The following COL23A1 variants were observed in gnomAD, a reference collection of about 807,000 sequenced individuals.
The protein encoded by COL23A1 is collagen type XXIII alpha 1 chain.
In COL23A1, 97 loss-of-function variants were observed where a neutral mutation model predicts 99.3. The ratio of observed to expected loss-of-function variants is 0.98; its 90% confidence interval spans 0.83 to 1.16. COL23A1 has a LOEUF of 1.16. Ranked by LOEUF, COL23A1 falls within the 50% of genes most tolerant of loss-of-function variation. The probability of loss-of-function intolerance (pLI) is 0.00; values close to 1 mark genes in which losing one functional copy is unlikely to be tolerated. For synonymous variants in COL23A1, 320 were observed against 308.2 expected (o/e 1.04, Z -0.40); for missense variants, 762 against 757.4 (o/e 1.01, Z -0.07).
intron 2 of COL23A1, among the ~76,000 whole-genome samples, chr5:178,311,028 G>T (rs1429702581): frequency 6.6e-6 from 1 of 152,132 alleles, no homozygotes; most frequent in Non-Finnish European, 1.5e-5. Flanking sequence ...CAGCTAGAGG[G>T]TCTAGCGCTG....
At chr5:178,449,157 T>C (rs1343324918) in intron 2 of COL23A1, among the ~76,000 whole-genome samples, 1 of 152,022 alleles carries the variant, frequency 6.6e-6, no homozygotes, top group Non-Finnish European at 1.5e-5. Flanking sequence ...TTATGAGAAA[T>C]ATATTTCCAT....
rs1760774281 is a variant in COL23A1 at position 178,533,649 on chromosome 5, C to T, written c.361+27033G>A. The stretch of plus-strand genomic sequence containing the variant: ...AGTAGCTGGGACTACAGGTGTGCAC[C>T]ACCACGCCCGGCTAATTTTTGTATT... On this transcript the variant is annotated intron_variant, in intron 2 of 28. Transcript: ENST00000390654. Among the ~76,000 whole-genome samples, 4 of 152,234 alleles carry T rather than the reference C, an allele frequency of 2.6e-5. No individual in the cohort carries two copies. The South Asian group carries it at 8.3e-4, about 32-fold the overall frequency.
chr5:178,256,978 G>T, intron 13 of COL23A1, 50 bp from the exon 14 acceptor site: 2 of 1,576,156 alleles, frequency 1.3e-6, no homozygotes, highest in East Asian at 4.6e-5. Flanking sequence ...GGCACGTGGC[G>T]GGTGCCTTGG....
intron 2 of COL23A1, among the ~76,000 whole-genome samples, chr5:178,410,745 C>T (rs1221930472): frequency 6.6e-6 from 1 of 152,138 alleles, no homozygotes; most frequent in Non-Finnish European, 1.5e-5. Context: ...AAAATACATG[C>T]AACGAAAGAA....
intron 9 of COL23A1, 67 bp from the exon 10 acceptor site, chr5:178,262,319 A>C: frequency 1.4e-5 from 21 of 1,481,198 alleles, no homozygotes; most frequent in Non-Finnish European, 1.8e-5. Context: ...CCCAAATCTC[A>C]GGCCAGACCC....
At chr5:178,578,223 T>C (rs1291055688) in intron 1 of COL23A1, among the ~76,000 whole-genome samples, 2 of 151,328 alleles carry the variant, frequency 1.3e-5, no homozygotes, top group African/African-American at 2.4e-5. Context: ...CACACACATA[T>C]GCACACATGC....
At chr5:178,462,236 T>A (rs1264839338) in intron 2 of COL23A1, among the ~76,000 whole-genome samples, 1 of 152,160 alleles carries the variant, frequency 6.6e-6, no homozygotes, top group South Asian at 2.1e-4. Context: ...CTCCAAGAGG[T>A]TCCCCCCCAC....
rs375010720 is a variant in COL23A1, at chr5:178,560,706, G to C, written c.337C>G (p.Pro113Ala). The change falls in exon 2 of 29, where the codon CCA (proline) becomes GCA (alanine). Residue 113 changes from proline to alanine, a missense_variant. By Grantham distance (27) the Pro-to-Ala change is conservative. Coordinates refer to ENST00000390654, the MANE Select transcript of COL23A1 (RefSeq NM_173465.4). The part of the protein sequence containing the change: ...LAKIRTAREA[P>A]SECVCPPGPP... ...CCTGGGGGGCAGACACATTCGGATG[G>C]AGCTTCCCGAGCAGTCCGGATCTTC... The C allele has an allele frequency of 2.3e-5, 37 of 1,613,074 alleles. No individual in the cohort carries two copies. In the African/African-American group the frequency reaches 4.3e-4, roughly 19 times the overall value.
intron 24 of COL23A1, 143 bp from the exon 25 acceptor site, chr5:178,246,111 A>T: frequency 1.5e-6 from 2 of 1,294,186 alleles, no homozygotes; most frequent in Non-Finnish European, 2.2e-6. Context: ...GGAGGCCAGG[A>T]CAGACCTGGC....
Position 178,313,328 on chromosome 5 carries a change from A to G in COL23A1, c.362-6409T>C, listed in dbSNP as rs746046276. ...TGAATGCCACTCAAGTGTACACTTA[A>G]GGATGGTTAAGACGGGAAATGTTAT... On this transcript the variant is annotated intron_variant, in intron 2 of 28. Coordinates refer to ENST00000390654, the MANE Select transcript of COL23A1 (RefSeq NM_173465.4). The surrounding 1 kb of genome is among the most constrained non-coding windows in gnomAD (Gnocchi z 4.2). Among the ~76,000 whole-genome samples the G allele has an allele frequency of 2.0e-5, 3 of 152,214 alleles. No individual in the cohort carries two copies. The highest frequency in any genetic ancestry group is 2.0e-4 in the Admixed American group (3 of 15,286).
intron 5 of COL23A1, among the ~76,000 whole-genome samples, chr5:178,271,386 C>T (rs1344202661): frequency 6.6e-6 from 1 of 152,226 alleles, no homozygotes; most frequent in Non-Finnish European, 1.5e-5. Context: ...CTGCCGGGCA[C>T]ATCCTTCCCT....
At chr5:178,269,165 C>G (rs780462624) in intron 6 of COL23A1, among the ~76,000 whole-genome samples, 1 of 152,054 alleles carries the variant, frequency 6.6e-6, no homozygotes, top group Non-Finnish European at 1.5e-5. Flanking sequence ...CAGAGATTCT[C>G]TCTCCATAGG....
At chr5:178,485,114 G>C (rs978215590) in intron 2 of COL23A1, among the ~76,000 whole-genome samples, 2 of 152,206 alleles carry the variant, frequency 1.3e-5, no homozygotes, top group Admixed American at 6.5e-5. Flanking sequence ...CTATTGGTTA[G>C]CTTATGCCTT....
At chr5:178,295,446 A>T (rs1009232438) in intron 3 of COL23A1, among the ~76,000 whole-genome samples, 4 of 152,206 alleles carry the variant, frequency 2.6e-5, no homozygotes, top group Admixed American at 6.5e-5. Flanking sequence ...TTAAAATTAC[A>T]ATCATATCAG....
At chr5:178,315,383 A>G (rs1758923121) in intron 2 of COL23A1, among the ~76,000 whole-genome samples, 1 of 152,120 alleles carries the variant, frequency 6.6e-6, no homozygotes, top group African/African-American at 2.4e-5. Flanking sequence ...GGCTTTTACC[A>G]TCTCCTCAAT....
chr5:178,263,576 G>A lies in COL23A1; in HGVS notation c.523-252C>T, dbSNP rs542630183. ...GGAATGTGCCAGCTCTCCAGCGCCTGAAGCCCAGATCCAGTGTTTAGGAGA... is the reference window on the plus strand; with the variant it reads ...GGAATGTGCCAGCTCTCCAGCGCCTAAAGCCCAGATCCAGTGTTTAGGAGA... On this transcript the variant is annotated intron_variant, in intron 8 of 28. Transcript: ENST00000390654. 5.9e-5 allele frequency among the ~76,000 whole-genome samples: 9 copies of A among 152,340 alleles called. No homozygotes were observed. The East Asian group carries it at 1.7e-3, about 29-fold the overall frequency.
At chr5:178,407,398 T>C (rs970491757) in intron 2 of COL23A1, among the ~76,000 whole-genome samples, 6 of 152,210 alleles carry the variant, frequency 3.9e-5, no homozygotes, top group Non-Finnish European at 7.3e-5. Context: ...CAGAGTCTCA[T>C]AGCACAATAC....
Position 178,255,287 on chromosome 5 carries a change from C to T in COL23A1, c.883-261G>A, listed in dbSNP as rs1021892405. 1.3e-5 allele frequency among the ~76,000 whole-genome samples: 2 copies of T among 152,142 alleles called. No homozygotes were observed. The highest frequency in any genetic ancestry group is 4.8e-5 in the African/African-American group (2 of 41,442). On this transcript the variant is annotated intron_variant, in intron 15 of 28. Coordinates refer to ENST00000390654, the MANE Select transcript of COL23A1 (RefSeq NM_173465.4). The surrounding 1 kb of genome is among the most constrained non-coding windows in gnomAD (Gnocchi z 4.2). The stretch of plus-strand genomic sequence containing the variant: ...CATTCAGGCCTGACCCCTGAGTTCT[C>T]GGGGGCAAATGGAAAGCCTGATTTT...
At chr5:178,284,414 C>T (rs1014393243) in intron 5 of COL23A1, among the ~76,000 whole-genome samples, 4 of 152,062 alleles carry the variant, frequency 2.6e-5, no homozygotes, top group African/African-American at 7.2e-5. Context: ...GTGTAATACC[C>T]ACAGTTGGCC....
Sources: allele counts gnomAD v4.1 joint callset (sites outside exome capture counted in the v4.1 genomes callset), GRCh38; gene constraint gnomAD v4.1.1; non-coding constraint Gnocchi (gnomAD v3.1); transcripts MANE v1.5; gene names NCBI Gene and HGNC (gene_info 2026-07-23, HGNC 2026-07-21).